The following PCGF3 variants were observed in gnomAD, a reference collection of about 807,000 sequenced individuals.
The protein encoded by PCGF3 is polycomb group RING finger protein 3.
In PCGF3, 7 loss-of-function variants were observed where a neutral mutation model predicts 33.1. That is an observed-to-expected ratio of 0.21 (90% confidence interval 0.12 to 0.40). The LOEUF is 0.40. Among genes scored for constraint, PCGF3 ranks in the 10% least tolerant of loss-of-function variants. The probability of loss-of-function intolerance (pLI) is 1.00; values close to 1 mark genes in which losing one functional copy is unlikely to be tolerated. For synonymous variants in PCGF3, 153 were observed against 121.3 expected, an observed-to-expected ratio of 1.26 and a Z score of -1.72; for missense variants, 211 against 313.3, an observed-to-expected ratio of 0.67 and a Z score of 2.46.
intron 1 of PCGF3, among the ~76,000 whole-genome samples, chr4:710,720 GGCATACCAGTA>G (rs1742527145): frequency 6.6e-6 from 1 of 152,164 alleles, no homozygotes; most frequent in Non-Finnish European, 1.5e-5. Flanking sequence ...CTTGCAATTT[GGCATACCAGTA>G]GCAAGCCAAA....
intron 1 of PCGF3, among the ~76,000 whole-genome samples, chr4:727,233 C>CTTTTTTTTTTTTTTTTTTTTTTTT (rs57690550): frequency 1.6e-5 from 1 of 61,892 alleles, no homozygotes; most frequent in Non-Finnish European, 2.9e-5. Flanking sequence ...TAGCGAGCGT[C>CTTTTTTTTTTTTTTTTTTTTTTTT]TTTTTTTTTT....
intron 8 of PCGF3, among the ~76,000 whole-genome samples, chr4:755,756 G>C (rs1270618005): frequency 1.3e-5 from 2 of 152,032 alleles, no homozygotes; most frequent in Non-Finnish European, 2.9e-5. Context: ...GTCCCCCTGG[G>C]CTCTCTGCTC....
intron 9 of PCGF3, chr4:762,031 GAGA>G (rs1216283168): frequency 1.0e-6 from 1 of 985,290 alleles, no homozygotes; most frequent in Non-Finnish European, 1.2e-6. Context: ...GGAGTTGCAG[GAGA>G]GGCGGACTGT....
chr4:722,979 G>C (rs1465452303), intron 1 of PCGF3, among the ~76,000 whole-genome samples: 1 of 130,460 alleles, frequency 7.7e-6, no homozygotes, highest in African/African-American at 3.2e-5. Context: ...TCCACACTCA[G>C]TCATCGCCCG....
In PCGF3 at chr4:765,358, G is replaced by A. The variant is rs373962099; in HGVS notation, c.681+294G>A. 2.4e-4 allele frequency among the ~76,000 whole-genome samples: 37 copies of A among 152,162 alleles called. No homozygotes were observed. In the East Asian group the frequency reaches 4.1e-3, roughly 17 times the overall value. On this transcript the variant is annotated intron_variant, in intron 10 of 10. Coordinates refer to ENST00000362003, the Ensembl canonical transcript of PCGF3. ...TGAGGCAGGAGAATGGTGTGAACCC[G>A]GGAGACGAAGCTTGCAGTGAGCCAA...
chr4:756,835 C>A lies in PCGF3; in HGVS notation c.463-4444C>A, dbSNP rs4690306. The stretch of plus-strand genomic sequence containing the variant: ...AGATCGCAGAGGGGCCTGCCGGGGG[C>A]TCTGAGGTGATGGAAACCATCTGAG... On this transcript the variant is annotated intron_variant, in intron 8 of 10. Transcript: ENST00000362003. Among the ~76,000 whole-genome samples the A allele has an allele frequency of 4.1e-3, 629 of 152,258 alleles. 19 individuals are homozygous for A. The highest frequency in any genetic ancestry group is 0.038 in the Admixed American group (575 of 15,278).
At chr4:747,815 G>A (rs550899659) in intron 8 of PCGF3, among the ~76,000 whole-genome samples, 5 of 152,326 alleles carry the variant, frequency 3.3e-5, no homozygotes, top group African/African-American at 9.6e-5. Context: ...CCCTGGGGAT[G>A]AAGGGAAGCA....
intron 10 of PCGF3, 99 bp from the exon 11 acceptor site, chr4:765,933 C>A: frequency 9.6e-7 from 1 of 1,040,070 alleles, no homozygotes; most frequent in Non-Finnish European, 1.5e-6. Flanking sequence ...GTGGACTGTG[C>A]CTCACGGGAC....
chr4:741,442 T>C (rs1265432242), intron 6 of PCGF3, among the ~76,000 whole-genome samples: 3 of 152,216 alleles, frequency 2.0e-5, no homozygotes, highest in African/African-American at 7.2e-5. Flanking sequence ...AGTTTTGCTC[T>C]TGTTGCCCAG....
intron 4 of PCGF3, 150 bp from the exon 5 acceptor site, chr4:734,781 T>G: frequency 7.1e-7 from 1 of 1,406,266 alleles, no homozygotes; most frequent in Non-Finnish European, 9.3e-7. Flanking sequence ...GCAAGATGTT[T>G]CCTTTCAGAA....
intron 1 of PCGF3, among the ~76,000 whole-genome samples, chr4:711,126 A>G (rs748786732): frequency 6.6e-6 from 1 of 152,206 alleles, no homozygotes; most frequent in African/African-American, 2.4e-5. Flanking sequence ...GCCGGACCCC[A>G]TGCCTCCTTC....
intron 9 of PCGF3, among the ~76,000 whole-genome samples, chr4:763,828 GA>G (rs1353344159): frequency 6.6e-6 from 1 of 152,168 alleles, no homozygotes; most frequent in Non-Finnish European, 1.5e-5. Flanking sequence ...TAGATAAGTG[GA>G]AAAATAAACC....
intron 1 of PCGF3, among the ~76,000 whole-genome samples, chr4:710,857 A>T (rs1742532849): frequency 6.6e-6 from 1 of 152,202 alleles, no homozygotes; most frequent in Non-Finnish European, 1.5e-5. Flanking sequence ...TCTTCCTGCC[A>T]GTGATTTTGC....
chr4:731,158 C>T (rs1357838292), intron 3 of PCGF3, 48 bp downstream of exon 3: 1 of 398,632 alleles, frequency 2.5e-6, no homozygotes, highest in Non-Finnish European at 4.4e-6. Flanking sequence ...ACTCCTTGCC[C>T]TGCCCTGTTG....
At chr4:750,237 C>G (rs933556137) in intron 8 of PCGF3, among the ~76,000 whole-genome samples, 5 of 152,216 alleles carry the variant, frequency 3.3e-5, no homozygotes, top group Admixed American at 1.3e-4. Flanking sequence ...CCTTTTTAAT[C>G]GAGAAGTTTG....
chr4:736,030 A>G (rs1743807511), intron 5 of PCGF3, among the ~76,000 whole-genome samples: 1 of 151,894 alleles, frequency 6.6e-6, no homozygotes, highest in Admixed American at 6.6e-5. Context: ...TTTCCCTTTT[A>G]TTATTATTAT....
intron 1 of PCGF3, among the ~76,000 whole-genome samples, chr4:707,763 A>T (rs199740419): frequency 2.8e-5 from 1 of 36,330 alleles, no homozygotes; most frequent in Admixed American, 2.6e-4. Flanking sequence ...CTCTGTTTTC[A>T]CCTGGGGGCC....
At chr4:725,531 C>T (rs1341237367) in intron 1 of PCGF3, among the ~76,000 whole-genome samples, 1 of 147,984 alleles carries the variant, frequency 6.8e-6, no homozygotes, top group Non-Finnish European at 1.5e-5. Flanking sequence ...CGTGGGCTGC[C>T]GAGGGCTGCT....
intron 7 of PCGF3, 53 bp downstream of exon 7, chr4:743,637 C>A: frequency 9.4e-7 from 1 of 1,069,362 alleles, no homozygotes; most frequent in Non-Finnish European, 1.4e-6. Context: ...TGCATGAGGC[C>A]TTTTCTTAAA....
Sources: gnomAD v4.1 joint callset for allele counts (sites outside exome capture counted in the v4.1 genomes callset) on GRCh38, gnomAD v4.1.1 for gene constraint, MANE v1.5 for transcripts, NCBI Gene and HGNC (gene_info 2026-07-23, HGNC 2026-07-21) for gene names.